Variants in ANK3 observed in about 807,000 individuals in gnomAD.
ANK3 encodes ankyrin-3.
Under a neutral mutation model 370.9 loss-of-function variants are expected in ANK3, and 57 were observed. The ratio of observed to expected loss-of-function variants is 0.15; its 90% CI spans 0.12 to 0.19. The LOEUF (loss-of-function observed/expected upper bound fraction) is 0.19, where lower values mean the gene tolerates loss of function less well. ANK3 is among the 10% of genes least tolerant of loss of function. The pLI, the probability that ANK3 is intolerant of heterozygous loss-of-function variation, is 1.00. For missense variants in ANK3, 4,439 were observed against 5,302.1 expected, an observed-to-expected ratio of 0.84 and a Z score of 5.06; for synonymous variants, 1,929 against 1,946.3, an observed-to-expected ratio of 0.99 and a Z score of 0.23.
At chr10:60,537,512 A>G (rs1339832736) in intron 2 of ANK3, among the ~76,000 whole-genome samples, 1 of 151,980 alleles carries the variant, frequency 6.6e-6, no homozygotes, top group Non-Finnish European at 1.5e-5. Context: ...AATATCTACT[A>G]GATATCCCAC....
intron 1 of ANK3, among the ~76,000 whole-genome samples, chr10:60,627,731 T>A (rs751714320): frequency 5.9e-5 from 9 of 152,168 alleles, no homozygotes; most frequent in Non-Finnish European, 1.3e-4. Context: ...AACCCCAAAC[T>A]TCCTACTTTT....
intron 1 of ANK3, among the ~76,000 whole-genome samples, chr10:60,294,988 T>G (rs7917654): frequency 0.63 from 95,234 of 152,036 alleles, 29,987 homozygotes; most frequent in South Asian, 0.79. Context: ...TTACCCCAAA[T>G]TTAAGGTAAC....
intron 26 of ANK3, among the ~76,000 whole-genome samples, chr10:60,111,128 A>G (rs933334976): frequency 1.3e-5 from 2 of 152,222 alleles, no homozygotes; most frequent in African/African-American, 4.8e-5. Flanking sequence ...GGGTGGATAG[A>G]TAGGTAGATA....
chr10:60,702,131 T>C (rs936774440), intron 1 of ANK3, among the ~76,000 whole-genome samples: 1 of 151,932 alleles, frequency 6.6e-6, no homozygotes, highest in Admixed American at 6.6e-5. Context: ...TCAGGTGGGG[T>C]GGCACACATC....
rs10082385 is a variant in ANK3 at position 60,452,512 on chromosome 10, C to T, written c.96+162674G>A. 2.7e-3 allele frequency among the ~76,000 whole-genome samples: 415 copies of T among 152,286 alleles called. 3 individuals carry two copies. The highest frequency in any genetic ancestry group is 9.0e-3 in the African/African-American group (374 of 41,542). On this transcript the variant is annotated intron_variant, in intron 2 of 43. Transcript: ENST00000373827. Reference sequence around the variant, plus strand: ...AACTAAAGAGGAACCTTAGAGAACCCGTCTTCCTCCCCTTCGATTGCCTTA... The same window carrying T: ...AACTAAAGAGGAACCTTAGAGAACCTGTCTTCCTCCCCTTCGATTGCCTTA...
chr10:60,663,416 T>C (rs942012266), intron 1 of ANK3, among the ~76,000 whole-genome samples: 2 of 152,142 alleles, frequency 1.3e-5, no homozygotes, highest in Non-Finnish European at 2.9e-5. Context: ...AAGGCTCAGC[T>C]GAAAGGAGAT....
upstream of ANK3, among the ~76,000 whole-genome samples, chr10:60,392,789 C>A (rs2063139907): frequency 2.6e-5 from 4 of 151,964 alleles, no homozygotes; most frequent in Admixed American, 1.3e-4. Context: ...ATTAGCTGGG[C>A]GTGTTGGTGT....
Position 60,073,051 on chromosome 10 carries a change from C to A in ANK3, c.7830G>T (p.Glu2610Asp), listed in dbSNP as rs761590730. The A allele has an allele frequency of 6.2e-7, 1 of 1,614,002 alleles. No individual in the cohort carries two copies. The highest frequency in any genetic ancestry group is 1.3e-5 in the African/African-American group (1 of 74,916). ...TGCCATTTTTAGGGCGTGCCTTTTT[C>A]TCTGGGGACTGCAGTTCATCATTTA... ...EKLNDELQSP[E>D]KKARPKNGKE... Residue 2610 changes from glutamate to aspartate, a missense_variant, in exon 37 of 44, where the codon GAG becomes GAT. This residue lies in a region of ANK3 where 1,601 missense variants were observed against 1,731.7 expected (regional missense o/e 0.92). Transcript: ENST00000280772.
chr10:60,565,318 A>G (rs2077432614), intron 2 of ANK3, among the ~76,000 whole-genome samples: 1 of 152,208 alleles, frequency 6.6e-6, no homozygotes, highest in Admixed American at 6.5e-5. Context: ...AGTTCACAAT[A>G]GGGTTCACAC....
At chr10:60,622,924 T>C (rs2078357634) in intron 1 of ANK3, among the ~76,000 whole-genome samples, 1 of 152,188 alleles carries the variant, frequency 6.6e-6, no homozygotes, top group African/African-American at 2.4e-5. Flanking sequence ...AATGCTAGTG[T>C]TTACGTGCTC....
intron 42 of ANK3, among the ~76,000 whole-genome samples, chr10:60,051,880 T>TTAAATCATTCA (rs1474433720): frequency 6.6e-6 from 1 of 151,982 alleles, no homozygotes; most frequent in Non-Finnish European, 1.5e-5. Flanking sequence ...GAAACTACAA[T>TTAAATCATTCA]TAAATCATTC....
At chr10:60,352,675 CAT>C (rs1200815668) in intron 1 of ANK3, among the ~76,000 whole-genome samples, 2 of 152,198 alleles carry the variant, frequency 1.3e-5, no homozygotes, top group Admixed American at 6.5e-5. Context: ...TCTTCCAACA[CAT>C]GTTTCTCCTC....
At chr10:60,298,125 A>G (rs552503836) in intron 1 of ANK3, among the ~76,000 whole-genome samples, 1 of 152,266 alleles carries the variant, frequency 6.6e-6, no homozygotes, top group Non-Finnish European at 1.5e-5. Flanking sequence ...ATTATTAGCT[A>G]CCTCTAAAAT....
At chr10:60,545,569 T>C (rs2076945400) in intron 2 of ANK3, among the ~76,000 whole-genome samples, 1 of 152,100 alleles carries the variant, frequency 6.6e-6, no homozygotes, top group Admixed American at 6.6e-5. Flanking sequence ...GCAAGTATGA[T>C]GGCAAGAACA....
intron 8 of ANK3, among the ~76,000 whole-genome samples, chr10:60,232,206 T>C (rs996742542): frequency 6.6e-6 from 1 of 152,198 alleles, no homozygotes; most frequent in African/African-American, 2.4e-5. Context: ...ATTTTGCTGT[T>C]CTGTTGATTG....
chr10:60,572,490 G>A lies in ANK3; in HGVS notation c.96+42696C>T, dbSNP rs546035953. ...CTTTTTTCCTTTCCTTTTCCTATGA[G>A]CAGGTTTTGCATTTTTCTCCTTTGG... On this transcript the variant is annotated intron_variant, in intron 2 of 43. Coordinates refer to the ANK3 transcript ENST00000373827. The A allele has an allele frequency of 3.8e-5, 58 of 1,535,684 alleles. No individual in the cohort carries two copies. In the African/African-American group the frequency reaches 7.5e-4, roughly 20 times the overall value.
intron 35 of ANK3, 122 bp downstream of exon 35, chr10:60,082,028 A>T: frequency 1.5e-6 from 1 of 685,148 alleles, no homozygotes; most frequent in Non-Finnish European, 2.4e-6. Flanking sequence ...CCTTTTACCT[A>T]CTTAAGACCT....
intron 1 of ANK3, among the ~76,000 whole-genome samples, chr10:60,619,712 G>A (rs1417078258): frequency 2.6e-5 from 4 of 152,234 alleles, no homozygotes; most frequent in South Asian, 2.1e-4. Context: ...AGAAATGAGC[G>A]AATTGCCTGG....
chr10:60,071,746 G>A lies in ANK3; in HGVS notation c.9135C>T (p.Pro3045=). ...CPPLEETETS[P]TKSPDSLEFS... ...ACTCTAAAGAATCAGGAGATTTGGT[G>A]GGGGAGGTTTCGGTTTCCTCGAGAG... The change falls in exon 37 of 44, where the codon CCC becomes CCT. Residue 3045 remains proline (P), a synonymous_variant. Coordinates refer to ENST00000280772, the MANE Select transcript of ANK3 (RefSeq NM_020987.5). 1 of 1,598,256 alleles carries A rather than the reference G, an allele frequency of 6.3e-7. No individual in the cohort carries two copies. The highest frequency in any genetic ancestry group is 8.5e-7 in the Non-Finnish European group (1 of 1,174,120).
Sources: gnomAD v4.1 joint callset for allele counts (sites outside exome capture counted in the v4.1 genomes callset) on GRCh38, gnomAD v4.1.1 for gene constraint, gnomAD v4.1.1 regional missense constraint, MANE v1.5 for transcripts, NCBI Gene and HGNC (gene_info 2026-07-23, HGNC 2026-07-21) for gene names.